The following SLCO5A1 variants were observed in gnomAD, a reference collection of about 807,000 sequenced individuals.
SLCO5A1 encodes organic anion transporter polypeptide-related protein 4.
A neutral mutation model predicts 65.1 loss-of-function variants in SLCO5A1; 39 were observed. That is an observed-to-expected ratio of 0.60 (90% CI 0.46 to 0.78). The LOEUF (loss-of-function observed/expected upper bound fraction) is 0.78. Ranked by LOEUF, SLCO5A1 falls within the 30% of genes least tolerant of loss-of-function variation. SLCO5A1 has a pLI of 0.00. For synonymous variants in SLCO5A1, 438 were observed against 415.7 expected (o/e 1.05, Z -0.65); for missense variants, 1,029 against 1,069.4 (o/e 0.96, Z 0.53).
At chr8:69,822,811 T>C (rs1032517052) in intron 2 of SLCO5A1, among the ~76,000 whole-genome samples, 1 of 152,210 alleles carries the variant, frequency 6.6e-6, no homozygotes, top group Non-Finnish European at 1.5e-5. Context: ...CATGACCAGT[T>C]GTTGGTAGAG....
chr8:69,681,419 C>T (rs1175887677), intron 7 of SLCO5A1, among the ~76,000 whole-genome samples: 1 of 152,090 alleles, frequency 6.6e-6, no homozygotes, highest in African/African-American at 2.4e-5. Flanking sequence ...CATGGAGAAA[C>T]CCCGTCTCTA....
chr8:69,789,952 G>A (rs942935598), intron 2 of SLCO5A1, among the ~76,000 whole-genome samples: 6 of 152,240 alleles, frequency 3.9e-5, no homozygotes, highest in African/African-American at 1.4e-4. Context: ...CAGCACTTTG[G>A]GAGGCTGAGG....
rs1586665661 is a variant in SLCO5A1, at chr8:69,672,664, C to T, written c.*205G>A. Reference sequence around the variant, plus strand: ...AACAAATCTAGCTGAACGTCTCCTTCTTGGAGAGAAGCGGGGAAAGGCTCT... The same window carrying T: ...AACAAATCTAGCTGAACGTCTCCTTTTTGGAGAGAAGCGGGGAAAGGCTCT... On this transcript the variant is annotated 3_prime_UTR_variant, in exon 10 of 10. Transcript: ENST00000260126. The T allele has an allele frequency of 1.7e-6, 1 of 595,442 alleles. No individual in the cohort carries two copies. The highest frequency in any genetic ancestry group is 2.8e-5 in the East Asian group (1 of 35,616). 36.9% of individuals were successfully genotyped at this position (595,442 alleles called of 1,614,324 possible). A position where few individuals can be genotyped will look rare whatever the true frequency, so the allele number is the denominator to read the frequency against.
intron 5 of SLCO5A1, 56 bp downstream of exon 5, chr8:69,737,984 C>T: frequency 6.4e-7 from 1 of 1,565,404 alleles, no homozygotes; most frequent in Admixed American, 1.8e-5. Flanking sequence ...TTTACCCATT[C>T]CATTTCATGG....
At chr8:69,736,317 C>T (rs1162258879) in intron 5 of SLCO5A1, among the ~76,000 whole-genome samples, 2 of 152,212 alleles carry the variant, frequency 1.3e-5, no homozygotes, top group Non-Finnish European at 2.9e-5. Context: ...CAGCTGAACC[C>T]TTTATTTTCC....
At chr8:69,695,286 G>A (rs1322338108) in intron 6 of SLCO5A1, among the ~76,000 whole-genome samples, 1 of 152,124 alleles carries the variant, frequency 6.6e-6, no homozygotes, top group East Asian at 1.9e-4. Flanking sequence ...CGTAAGGTCA[G>A]GAGTTCAAGA....
At chr8:69,826,523 C>T (rs1164283769) in intron 2 of SLCO5A1, among the ~76,000 whole-genome samples, 28 of 152,226 alleles carry the variant, frequency 1.8e-4, no homozygotes, top group African/African-American at 5.8e-4. Flanking sequence ...AAAAAACACA[C>T]GAAAAAATGC....
At chr8:69,744,246 G>A (rs1053276553) in intron 4 of SLCO5A1, among the ~76,000 whole-genome samples, 15 of 152,248 alleles carry the variant, frequency 9.9e-5, no homozygotes, top group African/African-American at 3.1e-4. Flanking sequence ...ATAAGAAGGC[G>A]GCCCAGCTAC....
At chr8:69,715,799 C>CT (rs1036999708) in intron 5 of SLCO5A1, among the ~76,000 whole-genome samples, 4 of 151,934 alleles carry the variant, frequency 2.6e-5, no homozygotes, top group Non-Finnish European at 2.9e-5. Flanking sequence ...TATTGTGTTT[C>CT]TTTTTTTTAA....
chr8:69,765,473 C>T (rs773113923), intron 2 of SLCO5A1, among the ~76,000 whole-genome samples: 3 of 152,076 alleles, frequency 2.0e-5, no homozygotes, highest in African/African-American at 4.8e-5. Flanking sequence ...GTAAATAAGT[C>T]ATTCTCTGGG....
intron 2 of SLCO5A1, among the ~76,000 whole-genome samples, chr8:69,824,039 C>T (rs1430903471): frequency 6.6e-6 from 1 of 152,138 alleles, no homozygotes; most frequent in Non-Finnish European, 1.5e-5. Flanking sequence ...GGGTACATAA[C>T]TAAATGAAGG....
rs1220986891 is a variant in SLCO5A1 at position 69,705,055 on chromosome 8, C to A, written c.1598G>T (p.Gly533Val). The A allele has an allele frequency of 3.1e-6, 5 of 1,612,918 alleles. No homozygotes were observed. Among genetic ancestry groups the A allele is most frequent in the Non-Finnish European group, 4.2e-6 (5 of 1,180,018 alleles). The change falls in exon 6 of 10, where the codon GGC becomes GTC. Residue 533 changes from glycine (G) to valine (V), a missense_variant. Transcript: ENST00000260126. Reference protein sequence around the residue: ...IVGCESINLGGINIPYTTGPS... With the variant: ...IVGCESINLGVINIPYTTGPS... ...CCCTGTTGTATAAGGGATGTTTATG[C>A]CCCCTAGATTAATGCTTTCACATCC... is the stretch of plus-strand genomic sequence containing the variant.
intron 6 of SLCO5A1, among the ~76,000 whole-genome samples, chr8:69,693,982 C>CTGGCTGATGTGAGAGCCACAGAGCA (rs1379217531): frequency 6.6e-6 from 1 of 152,228 alleles, no homozygotes; most frequent in Non-Finnish European, 1.5e-5. Flanking sequence ...AAAATCTAGA[C>CTGGCTGATGTGAGAGCCACAGAGCA]TGGCTGATGT....
At position 69,670,458 on chromosome 8, in the gene SLCO5A1, C is replaced by G. The variant is rs966282526; in HGVS notation, c.*2411G>C. The G allele has an allele frequency of 6.6e-6, 1 of 152,150 alleles. No individual in the cohort carries two copies. Among genetic ancestry groups the G allele is most frequent in the Non-Finnish European group, 1.5e-5 (1 of 68,028 alleles). The allele number at this position is 152,150 out of a possible 1,614,324, so 9.4% of individuals were successfully genotyped here. The stretch of plus-strand genomic sequence containing the variant: ...CTTTATTTTCTCATGATTTTTACTA[C>G]TTAGTCTACATTCACCAACAACACA... On this transcript the variant is annotated 3_prime_UTR_variant, in exon 10 of 10. Coordinates refer to ENST00000260126, the MANE Select transcript of SLCO5A1 (RefSeq NM_030958.3).
chr8:69,772,200 T>C (rs1033528713), intron 2 of SLCO5A1, among the ~76,000 whole-genome samples: 2 of 152,130 alleles, frequency 1.3e-5, no homozygotes, highest in Non-Finnish European at 2.9e-5. Context: ...CTACAATCTA[T>C]ATTGAATAAT....
intron 2 of SLCO5A1, among the ~76,000 whole-genome samples, chr8:69,803,970 C>T (rs1337692508): frequency 6.6e-6 from 1 of 152,142 alleles, no homozygotes; most frequent in East Asian, 1.9e-4. Flanking sequence ...TTGAGTTCCA[C>T]ACCCCCTTCC....
chr8:69,791,545 G>A (rs1563726848), intron 2 of SLCO5A1, among the ~76,000 whole-genome samples: 1 of 152,218 alleles, frequency 6.6e-6, no homozygotes, highest in Non-Finnish European at 1.5e-5. Context: ...TATCTGAGAT[G>A]TAATGTTTCT....
chr8:69,831,939 A>T lies in SLCO5A1; in HGVS notation c.735T>A (p.Thr245=). 1 of 1,597,530 alleles carries T rather than the reference A, an allele frequency of 6.3e-7. No individual in the cohort carries two copies. The highest frequency in any genetic ancestry group is 1.1e-5 in the South Asian group (1 of 88,660). Residue 245 remains threonine (T), a synonymous_variant, in exon 2 of 10, where the codon ACT becomes ACA. Coordinates refer to ENST00000260126, the MANE Select transcript of SLCO5A1 (RefSeq NM_030958.3). ...GLCQGGNSTA[T]LEPPACPKDS... The stretch of plus-strand genomic sequence containing the variant: ...CCTTCGGACAGGCCGGAGGCTCCAA[A>T]GTGGCGGTGGAGTTGCCACCCTGAC...
intron 4 of SLCO5A1, among the ~76,000 whole-genome samples, chr8:69,754,884 G>A (rs1409907771): frequency 6.6e-6 from 1 of 152,116 alleles, no homozygotes; most frequent in Non-Finnish European, 1.5e-5. Context: ...GCAAGCATTT[G>A]ACAGAGCTGC....
Sources: allele counts gnomAD v4.1 joint callset (sites outside exome capture counted in the v4.1 genomes callset), GRCh38; gene constraint gnomAD v4.1.1; transcripts MANE v1.5; gene names NCBI Gene and HGNC (gene_info 2026-07-23, HGNC 2026-07-21).